GRB2: variants seen among roughly 807,000 people sequenced by gnomAD.
The protein encoded by GRB2 is growth factor receptor bound protein 2, also known as growth factor receptor-bound protein 2.
GRB2 carries 2 observed loss-of-function variants against 27.4 expected under a neutral mutation model. The ratio of observed to expected loss-of-function variants is 0.07; its 90% CI spans 0.03 to 0.23. The LOEUF (loss-of-function observed/expected upper bound fraction) is 0.23, where lower values mean the gene tolerates loss of function less well. GRB2 is among the 10% of genes least tolerant of loss of function. GRB2 has a pLI of 1.00. For missense variants in GRB2, 102 were observed against 282.4 expected (o/e 0.36, Z 4.58); for synonymous variants, 94 against 99.6 (o/e 0.94, Z 0.33).
intron 1 of GRB2, among the ~76,000 whole-genome samples, chr17:75,400,506 G>A (rs914272718): frequency 2.0e-5 from 3 of 151,520 alleles, no homozygotes; most frequent in South Asian, 2.1e-4. Flanking sequence ...ACAGAGTCTC[G>A]CTCTGTTGCC....
At chr17:75,339,169 T>C in intron 2 of GRB2, 1 of 1,036,624 alleles carries the variant, frequency 9.6e-7, no homozygotes. Context: ...TGTTTTATTA[T>C]GAAGACAATA....
rs1221624480 is a variant in GRB2, at chr17:75,334,683, TAATCC to T, written c.79-1891_79-1887del. 3.3e-5 allele frequency among the ~76,000 whole-genome samples: 5 copies of T among 152,256 alleles called. No homozygotes were observed. In the East Asian group the frequency reaches 9.6e-4, roughly 29 times the overall value. On this transcript the variant is annotated intron_variant, in intron 2 of 5. Transcript: ENST00000316804. Reference sequence around the variant, plus strand: ...GGCCAGGTGTGCTGGCTCAAACCTGTAATCCTGGCAGTTTGGAAGGCTAAGGTGGG... The same window carrying T: ...GGCCAGGTGTGCTGGCTCAAACCTGTTGGCAGTTTGGAAGGCTAAGGTGGG...
rs977305211 is a variant in GRB2, at chr17:75,341,834, C to T, written c.79-9037G>A. ...GACCCACCAAATGTCCAGGCAACAA[C>T]GCTTAAGTGCTCCAAAGTTAACCAC... On this transcript the variant is annotated intron_variant, in intron 2 of 5. Coordinates refer to ENST00000316804, the MANE Select transcript of GRB2 (RefSeq NM_002086.5). Among the ~76,000 whole-genome samples the T allele has an allele frequency of 5.9e-5, 9 of 152,142 alleles. No individual in the cohort carries two copies. In the South Asian group the frequency reaches 6.2e-4, roughly 10 times the overall value.
At chr17:75,374,274 G>A (rs56032698) in intron 2 of GRB2, among the ~76,000 whole-genome samples, 34,001 of 151,056 alleles carry the variant, frequency 0.23, 5,683 homozygotes, top group African/African-American at 0.47. Context: ...CGTAGTGGCG[G>A]GCGCCTATAA....
At chr17:75,352,405 C>G (rs972413324) in intron 2 of GRB2, among the ~76,000 whole-genome samples, 1 of 152,188 alleles carries the variant, frequency 6.6e-6, no homozygotes, top group Admixed American at 6.5e-5. Context: ...GATGTATTAA[C>G]GCAAACAACA....
At chr17:75,357,730 G>A (rs577551386) in intron 2 of GRB2, among the ~76,000 whole-genome samples, 1 of 152,258 alleles carries the variant, frequency 6.6e-6, no homozygotes, top group South Asian at 2.1e-4. Context: ...AGACCAGCGT[G>A]GCCAACATGG....
At chr17:75,402,969 C>A (rs1821580) in intron 1 of GRB2, among the ~76,000 whole-genome samples, 1 of 148,740 alleles carries the variant, frequency 6.7e-6, no homozygotes, top group East Asian at 2.0e-4. Flanking sequence ...CAGCTACTAG[C>A]GAGGCTGAGG....
rs577451452 is a variant in GRB2 at position 75,339,220 on chromosome 17, G to C, written c.79-6423C>G. 6.2e-4 allele frequency: 421 copies of C among 674,952 alleles called. 2 individuals carry two copies. Among genetic ancestry groups the C allele is most frequent in the African/African-American group, 5.1e-3 (280 of 54,472 alleles). The allele number at this position is 674,952 out of a possible 1,614,324, so 41.8% of individuals were successfully genotyped here. On this transcript the variant is annotated intron_variant, in intron 2 of 5. Coordinates refer to ENST00000316804, the MANE Select transcript of GRB2 (RefSeq NM_002086.5). ...GTTTTTTTTTTTTTTTTGAGACAGA[G>C]TCTTGCTCTGTTGCCCAGGCTGGAG... is the stretch of plus-strand genomic sequence containing the variant.
chr17:75,323,072 T>C (rs1285762161), intron 4 of GRB2, among the ~76,000 whole-genome samples: 6 of 148,458 alleles, frequency 4.0e-5, no homozygotes, highest in East Asian at 2.0e-4. Context: ...TGAGCCGAGA[T>C]TGGGCCACTG....
intron 2 of GRB2, among the ~76,000 whole-genome samples, chr17:75,367,438 A>G (rs778984619): frequency 5.3e-5 from 8 of 152,102 alleles, no homozygotes; most frequent in Non-Finnish European, 8.8e-5. Flanking sequence ...CAGCCTCCCA[A>G]AGTGGTGGGA....
chr17:75,339,669 C>A (rs1252473134), intron 2 of GRB2, among the ~76,000 whole-genome samples: 3 of 149,754 alleles, frequency 2.0e-5, no homozygotes, highest in African/African-American at 7.4e-5. Flanking sequence ...TCTTGTTACC[C>A]AGGCTGGAGT....
intron 2 of GRB2, chr17:75,338,727 C>T (rs910494476): frequency 7.0e-5 from 35 of 499,584 alleles, no homozygotes; most frequent in Non-Finnish European, 9.0e-5. Flanking sequence ...TGTTAAGAGC[C>T]CAAATCAGGA....
intron 2 of GRB2, among the ~76,000 whole-genome samples, chr17:75,333,207 C>G (rs921092806): frequency 6.6e-6 from 1 of 152,120 alleles, no homozygotes; most frequent in African/African-American, 2.4e-5. Context: ...TCCCGAGTAG[C>G]TGGGATTACA....
At chr17:75,380,797 G>A (rs1359838972) in intron 2 of GRB2, among the ~76,000 whole-genome samples, 2 of 152,196 alleles carry the variant, frequency 1.3e-5, no homozygotes, top group Admixed American at 1.3e-4. Flanking sequence ...CGGAAAAACT[G>A]TGTCAAGCAT....
At chr17:75,376,836 T>TACAAA (rs1026659077) in intron 2 of GRB2, among the ~76,000 whole-genome samples, 7 of 149,290 alleles carry the variant, frequency 4.7e-5, no homozygotes, top group Admixed American at 6.7e-5. Flanking sequence ...ACTCCATCCC[T>TACAAA]ACAAAACAAA....
chr17:75,397,276 A>G (rs1057372397), intron 1 of GRB2, among the ~76,000 whole-genome samples: 1 of 152,234 alleles, frequency 6.6e-6, no homozygotes, highest in Non-Finnish European at 1.5e-5. Flanking sequence ...ACACAACACT[A>G]ATTACTAAAA....
At chr17:75,385,462 C>T (rs144027687) in intron 2 of GRB2, among the ~76,000 whole-genome samples, 4,492 of 152,094 alleles carry the variant, frequency 0.03, 222 homozygotes, top group African/African-American at 0.1. Context: ...ACTTGAACCA[C>T]GGAAGTGGAG....
chr17:75,375,898 G>C (rs1220110194), intron 2 of GRB2, among the ~76,000 whole-genome samples: 1 of 151,784 alleles, frequency 6.6e-6, no homozygotes, highest in Non-Finnish European at 1.5e-5. Flanking sequence ...GGTGGTGGGC[G>C]CCTGTAGTCC....
intron 2 of GRB2, among the ~76,000 whole-genome samples, chr17:75,384,526 C>T (rs1305816895): frequency 1.3e-5 from 2 of 151,876 alleles, no homozygotes; most frequent in Non-Finnish European, 2.9e-5. Context: ...AAAAATAAGC[C>T]GGGCGTGGTG....
Sources: gnomAD v4.1 joint callset for allele counts (sites outside exome capture counted in the v4.1 genomes callset) on GRCh38, gnomAD v4.1.1 for gene constraint, MANE v1.5 for transcripts, NCBI Gene and HGNC (gene_info 2026-07-23, HGNC 2026-07-21) for gene names.